Variants in RIN2 observed in about 807,000 individuals in gnomAD.
RIN2 encodes the protein Ras and Rab interactor 2.
Under a neutral mutation model 78.0 loss-of-function variants are expected in RIN2, and 36 were observed. The ratio of observed to expected loss-of-function variants is 0.46; its 90% CI spans 0.35 to 0.61. RIN2 has a LOEUF of 0.61. Among genes scored for constraint, RIN2 ranks in the 20% least tolerant of loss-of-function variants. RIN2 has a pLI of 0.00. For synonymous variants in RIN2, 466 were observed against 466.8 expected (o/e 1.00, Z 0.02); for missense variants, 1,087 against 1,159.7 (o/e 0.94, Z 0.91).
At chr20:19,858,726 C>T (rs1034884295) in intron 2 of RIN2, among the ~76,000 whole-genome samples, 4 of 152,190 alleles carry the variant, frequency 2.6e-5, no homozygotes, top group African/African-American at 9.7e-5. Flanking sequence ...CTGACTCCTT[C>T]CCCATTCTCC....
At chr20:19,962,191 G>A (rs1461888641) in intron 6 of RIN2, among the ~76,000 whole-genome samples, 3 of 151,462 alleles carry the variant, frequency 2.0e-5, no homozygotes, top group Admixed American at 2.0e-4. Context: ...TGTAGTCCCA[G>A]CTACTAAGGA....
chr20:19,890,679 CAA>C (rs534202183), intron 3 of RIN2, among the ~76,000 whole-genome samples: 831 of 64,314 alleles, frequency 0.013, no homozygotes, highest in Middle Eastern at 0.03. Flanking sequence ...GTTGACTCTA[CAA>C]AAAAAAAAAA....
At chr20:19,789,524 G>C (rs1343700125) in intron 1 of RIN2, among the ~76,000 whole-genome samples, 1 of 151,806 alleles carries the variant, frequency 6.6e-6, no homozygotes, top group African/African-American at 2.4e-5. Flanking sequence ...CTTTTATTTT[G>C]TACAAGATTC....
At chr20:19,779,012 G>A (rs2034406978) in intron 1 of RIN2, among the ~76,000 whole-genome samples, 1 of 152,122 alleles carries the variant, frequency 6.6e-6, no homozygotes, top group South Asian at 2.1e-4. Context: ...TGTCCACAAG[G>A]AAATTATAAG....
intron 9 of RIN2, among the ~76,000 whole-genome samples, chr20:19,976,120 G>A (rs2042272680): frequency 6.6e-6 from 1 of 152,224 alleles, no homozygotes; most frequent in Non-Finnish European, 1.5e-5. Flanking sequence ...TCTGCAGGCT[G>A]TGCATACATA....
At chr20:19,961,166 G>A (rs1047437576) in intron 6 of RIN2, among the ~76,000 whole-genome samples, 39 of 152,360 alleles carry the variant, frequency 2.6e-4, no homozygotes, top group African/African-American at 8.9e-4. Flanking sequence ...GGAGACTGTA[G>A]CGAGAGAGCC....
At chr20:19,991,479 T>C (rs115156891) in intron 10 of RIN2, among the ~76,000 whole-genome samples, 3,970 of 152,288 alleles carry the variant, frequency 0.026, 189 homozygotes, top group African/African-American at 0.089. Context: ...TTAGCAGCAT[T>C]CCAGATGTCA....
At chr20:19,889,916 A>G (rs1249494273) in intron 3 of RIN2, among the ~76,000 whole-genome samples, 1 of 152,120 alleles carries the variant, frequency 6.6e-6, no homozygotes, top group African/African-American at 2.4e-5. Flanking sequence ...GGCTGTCTTT[A>G]TTTGAGAGCT....
intron 3 of RIN2, among the ~76,000 whole-genome samples, chr20:19,924,362 C>T (rs564354363): frequency 0.08 from 2,469 of 30,814 alleles, 564 homozygotes; most frequent in East Asian, 0.4. Context: ...CTTCATACCC[C>T]CACCTTCATA....
chr20:19,970,730 T>C, intron 7 of RIN2, 108 bp from the exon 8 acceptor site: 1 of 856,146 alleles, frequency 1.2e-6, no homozygotes, highest in Non-Finnish European at 1.9e-6. Context: ...GGTGTCTACT[T>C]AGGACATTTT....
chr20:19,787,632 T>A (rs2034726563), intron 1 of RIN2, among the ~76,000 whole-genome samples: 1 of 152,128 alleles, frequency 6.6e-6, no homozygotes. Context: ...TCATCTGTTG[T>A]TATGAAGGTT....
chr20:19,835,408 A>AT (rs1181664979), intron 2 of RIN2, among the ~76,000 whole-genome samples: 1 of 152,208 alleles, frequency 6.6e-6, no homozygotes, highest in Non-Finnish European at 1.5e-5. Context: ...CTTCATTAAA[A>AT]TTTTTTGAGG....
intron 2 of RIN2, among the ~76,000 whole-genome samples, chr20:19,855,846 C>A (rs1404708082): frequency 6.6e-6 from 1 of 152,044 alleles, no homozygotes; most frequent in Non-Finnish European, 1.5e-5. Flanking sequence ...GAGGCCAAGG[C>A]GGGTGGATCA....
At chr20:19,763,074 A>AT (rs1188845239) in intron 1 of RIN2, among the ~76,000 whole-genome samples, 1 of 152,114 alleles carries the variant, frequency 6.6e-6, no homozygotes, top group Non-Finnish European at 1.5e-5. Flanking sequence ...CCTAAATGTG[A>AT]TTTTTAACCT....
intron 3 of RIN2, 143 bp downstream of exon 3, chr20:19,889,801 A>G (rs1046198888): frequency 5.9e-5 from 35 of 592,064 alleles, no homozygotes; most frequent in Admixed American, 6.9e-5. Flanking sequence ...CCAGCTGCTG[A>G]TTGTTACCAG....
At chr20:19,879,765 G>A (rs2037963623) in intron 2 of RIN2, among the ~76,000 whole-genome samples, 1 of 151,996 alleles carries the variant, frequency 6.6e-6, no homozygotes, top group Non-Finnish European at 1.5e-5. Flanking sequence ...TCCAATTTGT[G>A]CAAAAATGAA....
chr20:19,878,641 C>T (rs576352614), intron 2 of RIN2, among the ~76,000 whole-genome samples: 1 of 152,220 alleles, frequency 6.6e-6, no homozygotes, highest in South Asian at 2.1e-4. Flanking sequence ...GAACTTCCAT[C>T]TGTCCTCTTG....
chr20:19,986,889 T>G (rs190613468), intron 9 of RIN2, among the ~76,000 whole-genome samples: 5 of 152,372 alleles, frequency 3.3e-5, no homozygotes, highest in African/African-American at 9.6e-5. Context: ...TGCACACCCA[T>G]GTAGACACAG....
chr20:19,897,808 C>T (rs2038803565), intron 3 of RIN2, among the ~76,000 whole-genome samples: 1 of 151,828 alleles, frequency 6.6e-6, no homozygotes, highest in Non-Finnish European at 1.5e-5. Flanking sequence ...AACTCCTGGG[C>T]TCAAGCTATC....
Sources: allele counts gnomAD v4.1 joint callset (sites outside exome capture counted in the v4.1 genomes callset), GRCh38; gene constraint gnomAD v4.1.1; transcripts MANE v1.5; gene names NCBI Gene and HGNC (gene_info 2026-07-23, HGNC 2026-07-21).